CALD1: variants seen among roughly 807,000 people sequenced by gnomAD.
CALD1 encodes caldesmon 1, also known as caldesmon.
CALD1 carries 33 observed loss-of-function variants against 99.9 expected under a neutral mutation model. The ratio of observed to expected loss-of-function variants is 0.33; its 90% CI spans 0.25 to 0.44. CALD1 has a LOEUF of 0.44. Ranked by LOEUF, CALD1 falls within the 20% of genes least tolerant of loss-of-function variation. The pLI, the probability that CALD1 is intolerant of heterozygous loss-of-function variation, is 1.00. For missense variants in CALD1, 861 were observed against 962.1 expected (o/e 0.89, Z 1.39); for synonymous variants, 310 against 325.0 (o/e 0.95, Z 0.50).
chr7:134,718,660 A>T, the CALD1 span, among the ~76,000 whole-genome samples: 1 of 152,150 alleles, frequency 6.6e-6, no homozygotes, highest in East Asian at 1.9e-4. Flanking sequence ...AGCTGTTTTA[A>T]AATTAGAGTA....
the CALD1 span, among the ~76,000 whole-genome samples, chr7:134,726,674 TAGTC>T: frequency 2.0e-5 from 3 of 151,992 alleles, no homozygotes; most frequent in African/African-American, 4.8e-5. Context: ...CCAGTTGTAT[TAGTC>T]AGGGCTTTAT....
chr7:134,711,660 C>CTCTATATATATA, the CALD1 span, among the ~76,000 whole-genome samples: 7 of 78,350 alleles, frequency 8.9e-5, no homozygotes, highest in African/African-American at 4.3e-4. Context: ...CTCTCTCTCT[C>CTCTATATATATA]TATATATATA....
chr7:134,771,149 G>A lies in CALD1; in HGVS notation c.-130+26786G>A, dbSNP rs147310662. Among the ~76,000 whole-genome samples, 6 of 152,054 alleles carry A rather than the reference G, an allele frequency of 3.9e-5. No individual in the cohort carries two copies. In the East Asian group the frequency reaches 9.7e-4, roughly 24 times the overall value. On this transcript the variant is annotated intron_variant, in intron 1 of 13. Coordinates refer to the CALD1 transcript ENST00000417172. ...TTGGGGTGTTAGCTCCCACATCTCC[G>A]CTCTTTTCTGTCTGCACTCCCTCAG...
Position 134,933,076 on chromosome 7 carries a change from C to A in CALD1, c.307C>A (p.Arg103Ser). The A allele has an allele frequency of 1.2e-6, 2 of 1,613,822 alleles. No homozygotes were observed. The highest frequency in any genetic ancestry group is 2.2e-5 in the East Asian group (1 of 44,866). ...EAAFLERLAR[R>S]EERRQKRLQE... is the part of the protein sequence containing the mutation. ...CGCATTCCTGGAGCGCCTGGCTCGGCGTGAGGAAAGACGCCAAAAACGCCT... is the reference window on the plus strand; with the variant it reads ...CGCATTCCTGGAGCGCCTGGCTCGGAGTGAGGAAAGACGCCAAAAACGCCT... The change falls in exon 5 of 15, where the codon CGT becomes AGT. Residue 103 changes from arginine (R) to serine (S), a missense_variant. Around this residue, in one of 5 missense-constraint regions of CALD1, gnomAD observed 123 missense variants for 169.8 expected, o/e 0.72. Transcript: ENST00000361675.
intron 9 of CALD1, 92 bp from the exon 10 acceptor site, chr7:134,957,977 A>T: frequency 3.2e-6 from 3 of 936,026 alleles, no homozygotes; most frequent in Non-Finnish European, 5.2e-6. Context: ...CGGTGTGTTT[A>T]ACAGGTTCAG....
chr7:134,947,475 T>C, intron 7 of CALD1, 33 bp from the exon 8 acceptor site: 1 of 1,555,648 alleles, frequency 6.4e-7, no homozygotes, highest in Non-Finnish European at 8.7e-7. Context: ...GGCAAAAGCA[T>C]GTAAACCCCT....
chr7:134,852,021 C>T (rs909978004), intron 2 of CALD1, among the ~76,000 whole-genome samples: 18 of 152,146 alleles, frequency 1.2e-4, no homozygotes, highest in Admixed American at 6.5e-5. Flanking sequence ...AAGTACTCAG[C>T]ACTGTGAGGG....
rs567214129 is a variant in CALD1, at chr7:134,959,475, C to G, written c.2062-499C>G. Among the ~76,000 whole-genome samples the G allele has an allele frequency of 2.0e-5, 3 of 152,198 alleles. No homozygotes were observed. In the East Asian group the frequency reaches 5.8e-4, roughly 29 times the overall value. On this transcript the variant is annotated intron_variant, in intron 11 of 14. Coordinates refer to ENST00000361675, the MANE Select transcript of CALD1 (RefSeq NM_033138.4). ...TCCCTTGAGCCCAGGAATTTGAAAC[C>G]AGCCTGGGCAACATAGGGACTATGC... is the stretch of plus-strand genomic sequence containing the variant.
At chr7:134,877,968 T>C (rs773388924) in intron 3 of CALD1, among the ~76,000 whole-genome samples, 20 of 152,176 alleles carry the variant, frequency 1.3e-4, no homozygotes, top group Non-Finnish European at 1.0e-4. Flanking sequence ...GTAATATATA[T>C]GGAAGTTCTA....
chr7:134,719,700 G>A, the CALD1 span, among the ~76,000 whole-genome samples: 2,950 of 152,232 alleles, frequency 0.019, 110 homozygotes, highest in African/African-American at 0.067. Flanking sequence ...TTGCTTGGAC[G>A]TCAACGGCCT....
intron 3 of CALD1, among the ~76,000 whole-genome samples, chr7:134,874,963 T>C (rs528655124): frequency 1.3e-5 from 2 of 152,218 alleles, no homozygotes; most frequent in Non-Finnish European, 1.5e-5. Flanking sequence ...CCAACACTTA[T>C]TCAAAATGCT....
In CALD1 at chr7:134,749,311, A is replaced by C. The variant is rs771683183; in HGVS notation, c.-130+4948A>C. ...AGTGACTCAAGGATGCAGAGCAAGGACTGGGTCTTTAAGAAGCAAGGCCAG... is the reference window on the plus strand; with the variant it reads ...AGTGACTCAAGGATGCAGAGCAAGGCCTGGGTCTTTAAGAAGCAAGGCCAG... On this transcript the variant is annotated intron_variant, in intron 1 of 13. Transcript: ENST00000417172. 2.2e-4 allele frequency among the ~76,000 whole-genome samples: 33 copies of C among 152,232 alleles called. 1 individual carries two copies. Among genetic ancestry groups the C allele is most frequent in the Non-Finnish European group, 4.0e-4 (27 of 68,040 alleles).
intron 3 of CALD1, among the ~76,000 whole-genome samples, chr7:134,874,547 G>A (rs370313025): frequency 3.3e-5 from 5 of 152,134 alleles, no homozygotes; most frequent in Non-Finnish European, 7.4e-5. Context: ...GGCCGACACC[G>A]GGCTTGGTTC....
chr7:134,830,815 A>G (rs1240990175), intron 1 of CALD1, among the ~76,000 whole-genome samples: 3 of 152,206 alleles, frequency 2.0e-5, no homozygotes, highest in African/African-American at 7.2e-5. Context: ...ATGACAATAG[A>G]AGTCTTTACC....
chr7:134,951,147 G>A (rs1039871190), intron 9 of CALD1, among the ~76,000 whole-genome samples: 1 of 152,134 alleles, frequency 6.6e-6, no homozygotes, highest in Non-Finnish European at 1.5e-5. Context: ...CCATTCACAA[G>A]GGCCTCACCC....
intron 13 of CALD1, among the ~76,000 whole-genome samples, chr7:134,964,837 A>G (rs1808549287): frequency 1.3e-5 from 2 of 152,232 alleles, no homozygotes; most frequent in South Asian, 4.1e-4. Flanking sequence ...ATCAATAAAC[A>G]GTAAGTCCTT....
At chr7:134,950,887 A>G (rs1016982493) in intron 9 of CALD1, among the ~76,000 whole-genome samples, 6 of 152,220 alleles carry the variant, frequency 3.9e-5, no homozygotes, top group Non-Finnish European at 8.8e-5. Flanking sequence ...TGAACCCAGG[A>G]GGCAGAGGTT....
chr7:134,910,530 G>A (rs1803726954), intron 3 of CALD1, among the ~76,000 whole-genome samples: 1 of 152,148 alleles, frequency 6.6e-6, no homozygotes, highest in Non-Finnish European at 1.5e-5. Context: ...GGTGCAGGAG[G>A]AGTTATGGAG....
At chr7:134,727,532 G>A in the CALD1 span, among the ~76,000 whole-genome samples, 1 of 152,242 alleles carries the variant, frequency 6.6e-6, no homozygotes, top group Non-Finnish European at 1.5e-5. Flanking sequence ...AAAGTAGCTT[G>A]AGCAGGAAGA....
Sources: gnomAD v4.1 joint callset for allele counts (sites outside exome capture counted in the v4.1 genomes callset) on GRCh38, gnomAD v4.1.1 for gene constraint, gnomAD v4.1.1 regional missense constraint, MANE v1.5 for transcripts, NCBI Gene and HGNC (gene_info 2026-07-23, HGNC 2026-07-21) for gene names.